Variants in A2ML1 observed in about 807,000 individuals in gnomAD.
A2ML1 encodes the protein alpha-2-macroglobulin like 1, also known as alpha-2-macroglobulin-like protein 1.
A2ML1 carries 161 observed loss-of-function variants against 181.9 expected under a neutral mutation model. That is an observed-to-expected ratio of 0.89 (90% CI 0.78 to 1.01). The LOEUF (loss-of-function observed/expected upper bound fraction) is 1.01. Among genes scored for constraint, A2ML1 ranks in the 50% least tolerant of loss-of-function variants. The probability of loss-of-function intolerance (pLI) is 0.00; values close to 1 mark genes in which losing one functional copy is unlikely to be tolerated. For missense variants in A2ML1, 1,670 were observed against 1,768.1 expected (o/e 0.94, Z 1.00); for synonymous variants, 663 against 666.8 (o/e 0.99, Z 0.09).
At chr12:8,847,827 G>A in intron 15 of A2ML1, 129 bp downstream of exon 15, 1 of 1,270,168 alleles carries the variant, frequency 7.9e-7, no homozygotes, top group African/African-American at 1.5e-5. Flanking sequence ...TAAAAAGGCT[G>A]GTGTGAAAAT....
intron 28 of A2ML1, 35 bp from the exon 29 acceptor site, chr12:8,863,759 C>T (rs1944347118): frequency 6.2e-7 from 1 of 1,606,978 alleles, no homozygotes; most frequent in East Asian, 2.2e-5. Context: ...CCAGTTCCTT[C>T]TAAGGACATC....
chr12:8,850,300 A>T, intron 18 of A2ML1, 26 bp downstream of exon 18: 1 of 1,572,208 alleles, frequency 6.4e-7, no homozygotes, highest in Non-Finnish European at 8.7e-7. Flanking sequence ...AAAGTACAGT[A>T]AAGGGCCAGG....
In A2ML1 at chr12:8,836,334, T is replaced by C; in HGVS notation, c.723T>C (p.Cys241=). The C allele has an allele frequency of 6.2e-7, 1 of 1,613,778 alleles. No individual in the cohort carries two copies. The highest frequency in any genetic ancestry group is 8.5e-7 in the Non-Finnish European group (1 of 1,179,784). The change falls in exon 7 of 36, where the codon TGT becomes TGC. Residue 241 remains cysteine (C), a synonymous_variant. Transcript: ENST00000299698. ...AGGAATCTTTCTTAGTAAAAATTTG[T>C]TGTAGGTAAGAGCAGAAGCTTGGGA... The part of the protein sequence containing the change: ...TVQESFLVKI[C]CRYTYGKPML...
At chr12:8,874,400 A>C in intron 33 of A2ML1, 25 bp from the exon 34 acceptor site, 5 of 1,529,920 alleles carry the variant, frequency 3.3e-6, no homozygotes, top group Non-Finnish European at 3.6e-6. Context: ...CTTCTAAGGT[A>C]CTGTTTCATC....
In A2ML1 at chr12:8,835,638, C is replaced by CT; in HGVS notation, c.618dup (p.Gly207TrpfsTer14). ...CTGTGGCAGTGGCTGAGGGCAAGAC[C>CT]TTTGGTACTTTCAGTGTGGAGGAAT... On this transcript the variant is annotated frameshift_variant, in exon 6 of 36. Coordinates refer to ENST00000299698, the MANE Select transcript of A2ML1 (RefSeq NM_144670.6). LOFTEE classifies it high-confidence loss of function. 2 of 1,614,142 alleles carry CT rather than the reference C, an allele frequency of 1.2e-6. No homozygotes were observed. The highest frequency in any genetic ancestry group is 1.7e-6 in the Non-Finnish European group (2 of 1,180,004).
chr12:8,886,324 T>TTA (rs1386678899), intron 7 of A2ML1, among the ~76,000 whole-genome samples: 1 of 152,174 alleles, frequency 6.6e-6, no homozygotes, highest in Non-Finnish European at 1.5e-5. Context: ...TCAGCAGTGT[T>TTA]TTGTAGTTTT....
chr12:8,826,096 T>C (rs752082204), intron 3 of A2ML1, among the ~76,000 whole-genome samples: 7 of 152,320 alleles, frequency 4.6e-5, no homozygotes, highest in Admixed American at 4.6e-4. Flanking sequence ...CCATAAAAAT[T>C]TTATGATTTT....
At chr12:8,872,796 AAAG>A (rs1231889428) in intron 33 of A2ML1, among the ~76,000 whole-genome samples, 5,092 of 148,660 alleles carry the variant, frequency 0.034, 276 homozygotes, top group African/African-American at 0.13. Context: ...AAAAAAAAAA[AAAG>A]AAAAAGAAAA....
chr12:8,852,148 C>T lies in A2ML1; in HGVS notation c.2464-62C>T, dbSNP rs1334395037. The stretch of plus-strand genomic sequence containing the variant: ...GTCGGCGTCTCAGCCCCCAGGTTTC[C>T]CCAGGCCTCTATGCACTACCTCCTT... On this transcript the variant is annotated intron_variant, in intron 19 of 35. Coordinates refer to ENST00000299698, the MANE Select transcript of A2ML1 (RefSeq NM_144670.6). This position sits in a 1 kb window ranked among gnomAD's most constrained non-coding sequence, Gnocchi z 4.2. 41 of 1,605,892 alleles carry T rather than the reference C, an allele frequency of 2.6e-5. No individual in the cohort carries two copies. The highest frequency in any genetic ancestry group is 3.4e-5 in the Non-Finnish European group (40 of 1,175,674).
At position 8,868,242 on chromosome 12, in the gene A2ML1, T is replaced by C. The variant is rs1170389578; in HGVS notation, c.3946T>C (p.Tyr1316His). The stretch of plus-strand genomic sequence containing the variant: ...TTCTTCCTACCAGACGGTGTTGAGA[T>C]ACAATATTCTCCCTCCCACAAATAT... ...GCVYVQTVLR[Y>H]NILPPTNMKT... The change falls in exon 31 of 36, where the codon TAC becomes CAC. Residue 1316 changes from tyrosine to histidine, a missense_variant. Physicochemically the swap from Tyr to His is moderately conservative, Grantham distance 83 (BLOSUM62 2). Coordinates refer to ENST00000299698, the MANE Select transcript of A2ML1 (RefSeq NM_144670.6). 6.2e-7 allele frequency: 1 copy of C among 1,613,890 alleles called. No homozygotes were observed. The highest frequency in any genetic ancestry group is 8.5e-7 in the Non-Finnish European group (1 of 1,180,014).
In A2ML1 at chr12:8,854,865, A is replaced by C. The variant is rs376290966; in HGVS notation, c.2764+34A>C. 49 of 1,601,062 alleles carry C rather than the reference A, an allele frequency of 3.1e-5. No homozygotes were observed. In the African/African-American group the frequency reaches 5.1e-4, roughly 17 times the overall value. On this transcript the variant is annotated intron_variant, in intron 22 of 35. Coordinates refer to ENST00000299698, the MANE Select transcript of A2ML1 (RefSeq NM_144670.6). ...ACTCAGAGCAGGATTGGTGGTGAGAATTCCCTTAGAGGGCAGGAGATTTTC... is the reference window on the plus strand; with the variant it reads ...ACTCAGAGCAGGATTGGTGGTGAGACTTCCCTTAGAGGGCAGGAGATTTTC...
At chr12:8,854,701 C>G in intron 21 of A2ML1, 79 bp from the exon 22 acceptor site, 5 of 1,504,082 alleles carry the variant, frequency 3.3e-6, no homozygotes, top group Non-Finnish European at 4.6e-6. Flanking sequence ...CAGCGAGGGG[C>G]CTCCCTTCCC....
In A2ML1 at chr12:8,841,547, A is replaced by G; in HGVS notation, c.1248+11A>G. The G allele has an allele frequency of 6.2e-7, 1 of 1,600,932 alleles. No homozygotes were observed. The highest frequency in any genetic ancestry group is 1.1e-5 in the South Asian group (1 of 88,518). On this transcript the variant is annotated intron_variant, in intron 11 of 35. Transcript: ENST00000299698. Reference sequence around the variant, plus strand: ...GACGTTTCTCTGGAGGTAAGCATGGACGGAGGACCAGCTTCCTAGAAAGGA... The same window carrying G: ...GACGTTTCTCTGGAGGTAAGCATGGGCGGAGGACCAGCTTCCTAGAAAGGA...
intron 26 of A2ML1, chr12:8,858,354 G>T: frequency 2.9e-6 from 1 of 345,358 alleles, no homozygotes; most frequent in Non-Finnish European, 5.2e-6. Context: ...AGGCCGAGGC[G>T]GGCAGATCGT....
intron 4 of A2ML1, among the ~76,000 whole-genome samples, chr12:8,833,501 A>C (rs1943182738): frequency 6.6e-6 from 1 of 152,116 alleles, no homozygotes; most frequent in African/African-American, 2.4e-5. Context: ...GGTTCAAGTG[A>C]TTCTTCTGCC....
At chr12:8,883,280 A>C (rs939158956) in intron 7 of A2ML1, among the ~76,000 whole-genome samples, 2 of 151,750 alleles carry the variant, frequency 1.3e-5, no homozygotes, top group African/African-American at 4.8e-5. Context: ...GGTGCTTCCA[A>C]CTCCCCACCA....
At chr12:8,872,908 C>G (rs193166360) in intron 33 of A2ML1, among the ~76,000 whole-genome samples, 1 of 152,094 alleles carries the variant, frequency 6.6e-6, no homozygotes, top group African/African-American at 2.4e-5. Flanking sequence ...TGAAATTTTC[C>G]TATTTACTCC....
downstream of A2ML1, among the ~76,000 whole-genome samples, chr12:8,877,000 G>A (rs1409938931): frequency 6.6e-6 from 1 of 152,122 alleles, no homozygotes; most frequent in Non-Finnish European, 1.5e-5. Flanking sequence ...AGGGCAAACA[G>A]TGATGGATTA....
chr12:8,826,488 C>T (rs1333541651), intron 3 of A2ML1, among the ~76,000 whole-genome samples: 1 of 152,168 alleles, frequency 6.6e-6, no homozygotes, highest in Non-Finnish European at 1.5e-5. Context: ...CTCTGTTGCC[C>T]AGGCTGTGGA....
Sources: allele counts gnomAD v4.1 joint callset (sites outside exome capture counted in the v4.1 genomes callset), GRCh38; gene constraint gnomAD v4.1.1; non-coding constraint Gnocchi (gnomAD v3.1); transcripts MANE v1.5; gene names NCBI Gene and HGNC (gene_info 2026-07-23, HGNC 2026-07-21).